Variants in CDH18 observed in about 807,000 individuals in gnomAD.
The protein encoded by CDH18 is cadherin-18.
CDH18 carries 31 observed loss-of-function variants against 67.9 expected under a neutral mutation model. The ratio of observed to expected loss-of-function variants is 0.46; its 90% CI spans 0.34 to 0.62. The LOEUF (loss-of-function observed/expected upper bound fraction) is 0.62, where lower values mean the gene tolerates loss of function less well. CDH18 is among the 20% of genes least tolerant of loss of function. The pLI, the probability that CDH18 is intolerant of heterozygous loss-of-function variation, is 0.01. For synonymous variants in CDH18, 362 were observed against 347.2 expected, an observed-to-expected ratio of 1.04 and a Z score of -0.48; for missense variants, 890 against 975.5, an observed-to-expected ratio of 0.91 and a Z score of 1.17.
At chr5:20,095,017 A>G (rs777247349) in intron 2 of CDH18, among the ~76,000 whole-genome samples, 3 of 152,202 alleles carry the variant, frequency 2.0e-5, no homozygotes, top group Non-Finnish European at 4.4e-5. Flanking sequence ...GACATGGATG[A>G]AGCTGGAAAC....
At chr5:20,324,043 A>G (rs989840560) in intron 1 of CDH18, among the ~76,000 whole-genome samples, 2 of 152,210 alleles carry the variant, frequency 1.3e-5, no homozygotes, top group African/African-American at 4.8e-5. Flanking sequence ...GCCAGTGCCC[A>G]AAGTTCAACG....
rs532556127 is a variant in CDH18, at chr5:19,955,011, T to C, written c.-257+26049A>G. On this transcript the variant is annotated intron_variant, in intron 2 of 12. Coordinates refer to ENST00000382275, the MANE Select transcript of CDH18 (RefSeq NM_004934.5). ...CAAGGGCAGGACCACATGGAGATAA[T>C]TGAAACATGGAGGTGGTTTCTCCCA... is the stretch of plus-strand genomic sequence containing the variant. Among the ~76,000 whole-genome samples, 9 of 152,214 alleles carry C rather than the reference T, an allele frequency of 5.9e-5. 1 individual carries two copies. The South Asian group carries it at 1.0e-3, about 18-fold the overall frequency.
chr5:19,835,405 G>A (rs989877008), intron 3 of CDH18, among the ~76,000 whole-genome samples: 6 of 151,842 alleles, frequency 4.0e-5, no homozygotes, highest in African/African-American at 1.5e-4. Context: ...AGGTCAATAG[G>A]TGCAGCAAAC....
At chr5:19,619,531 A>G (rs1411926662) in intron 5 of CDH18, among the ~76,000 whole-genome samples, 1 of 152,198 alleles carries the variant, frequency 6.6e-6, no homozygotes, top group African/African-American at 2.4e-5. Context: ...TGGAATATGC[A>G]TGGCAATATT....
At chr5:19,555,747 T>C (rs1038681133) in intron 8 of CDH18, among the ~76,000 whole-genome samples, 1 of 152,192 alleles carries the variant, frequency 6.6e-6, no homozygotes, top group Admixed American at 6.5e-5. Flanking sequence ...GTTGACTGCC[T>C]GATCCTCCCT....
intron 2 of CDH18, among the ~76,000 whole-genome samples, chr5:20,233,741 T>C (rs1416070168): frequency 6.6e-6 from 1 of 152,168 alleles, no homozygotes; most frequent in Non-Finnish European, 1.5e-5. Flanking sequence ...TCTGTTGGTA[T>C]TTCATTATGT....
chr5:19,517,570 T>C (rs2126878978), intron 10 of CDH18, among the ~76,000 whole-genome samples: 1 of 152,290 alleles, frequency 6.6e-6, no homozygotes, highest in East Asian at 1.9e-4. Context: ...GTATCACCTA[T>C]CTTTTTTCTC....
intron 9 of CDH18, among the ~76,000 whole-genome samples, chr5:19,532,557 G>A (rs1401913575): frequency 6.6e-6 from 1 of 152,102 alleles, no homozygotes; most frequent in Non-Finnish European, 1.5e-5. Flanking sequence ...TTATTTGGAA[G>A]TATTTGATTT....
At chr5:19,600,506 C>T (rs2150064022) in intron 6 of CDH18, among the ~76,000 whole-genome samples, 1 of 149,956 alleles carries the variant, frequency 6.7e-6, no homozygotes, top group Middle Eastern at 3.4e-3. Context: ...CCTCACTCCT[C>T]TAAATTAAAT....
chr5:20,326,805 T>C (rs753118930), intron 1 of CDH18, among the ~76,000 whole-genome samples: 4 of 152,208 alleles, frequency 2.6e-5, no homozygotes, highest in African/African-American at 7.2e-5. Context: ...CCTCCCAAAG[T>C]GCTGGGATCA....
intron 2 of CDH18, among the ~76,000 whole-genome samples, chr5:19,839,672 A>G (rs2150028110): frequency 6.6e-6 from 1 of 152,314 alleles, no homozygotes; most frequent in Admixed American, 6.5e-5. Flanking sequence ...CTGAAAACAA[A>G]AAGAATGCAA....
chr5:20,095,439 G>GAAAGA (rs1386370195), intron 2 of CDH18, among the ~76,000 whole-genome samples: 2 of 117,652 alleles, frequency 1.7e-5, no homozygotes, highest in Non-Finnish European at 3.4e-5. Flanking sequence ...AAGAAAGAAA[G>GAAAGA]AAAGAAAAGA....
intron 4 of CDH18, among the ~76,000 whole-genome samples, chr5:19,728,171 T>C (rs1054556861): frequency 3.3e-5 from 5 of 152,184 alleles, no homozygotes; most frequent in African/African-American, 1.2e-4. Flanking sequence ...ATTTGATGAA[T>C]AGATATTAAA....
intron 1 of CDH18, among the ~76,000 whole-genome samples, chr5:20,306,500 G>A (rs1452332880): frequency 6.9e-6 from 1 of 145,630 alleles, no homozygotes; most frequent in African/African-American, 2.4e-5. Flanking sequence ...TTAATACTCT[G>A]CCGATAGGAT....
intron 2 of CDH18, among the ~76,000 whole-genome samples, chr5:20,116,222 A>C (rs1747896301): frequency 6.6e-6 from 1 of 152,096 alleles, no homozygotes; most frequent in Admixed American, 6.6e-5. Context: ...TTGCTCTGGC[A>C]AGTAGGATGG....
intron 8 of CDH18, among the ~76,000 whole-genome samples, chr5:19,560,393 A>C (rs1252374342): frequency 1.3e-5 from 2 of 152,158 alleles, no homozygotes; most frequent in Non-Finnish European, 2.9e-5. Context: ...CAAAGCAAAC[A>C]GAAATGTAAA....
At chr5:20,004,235 G>C (rs1014151812) in intron 2 of CDH18, among the ~76,000 whole-genome samples, 2 of 152,174 alleles carry the variant, frequency 1.3e-5, no homozygotes, top group East Asian at 3.9e-4. Context: ...TCTTACCAAG[G>C]CTCCAGCAAC....
At chr5:19,663,251 C>T (rs1560979357) in intron 5 of CDH18, among the ~76,000 whole-genome samples, 1 of 151,812 alleles carries the variant, frequency 6.6e-6, no homozygotes, top group African/African-American at 2.4e-5. Flanking sequence ...ATGTTCTATC[C>T]CCCTGCAAAA....
Position 20,134,586 on chromosome 5 carries a change from C to G in CDH18, c.-518+120858G>C, listed in dbSNP as rs189337467. Among the ~76,000 whole-genome samples the G allele has an allele frequency of 6.6e-5, 10 of 152,216 alleles. No individual in the cohort carries two copies. The East Asian group carries it at 1.7e-3, about 26-fold the overall frequency. On this transcript the variant is annotated intron_variant, in intron 2 of 14. Coordinates refer to the CDH18 transcript ENST00000507958. ...ACCAGAGTCTCCACCTGGTCCCTTC[C>G]GTGACATGTGATGACATGTGGGGAT... is the stretch of plus-strand genomic sequence containing the variant.
Sources: allele counts gnomAD v4.1 joint callset (sites outside exome capture counted in the v4.1 genomes callset), GRCh38; gene constraint gnomAD v4.1.1; transcripts MANE v1.5; gene names NCBI Gene and HGNC (gene_info 2026-07-23, HGNC 2026-07-21).